Variants in CABIN1 observed in about 807,000 individuals in gnomAD.
CABIN1 encodes calcineurin binding protein 1.
In CABIN1, 133 loss-of-function variants were observed where a neutral mutation model predicts 227.7. The ratio of observed to expected loss-of-function variants is 0.58; its 90% CI spans 0.51 to 0.67. CABIN1 has a LOEUF of 0.67. Among genes scored for constraint, CABIN1 ranks in the 30% least tolerant of loss-of-function variants. The probability of loss-of-function intolerance (pLI) is 0.00; values close to 1 mark genes in which losing one functional copy is unlikely to be tolerated. For missense variants in CABIN1, 2,408 were observed against 2,852.5 expected, an observed-to-expected ratio of 0.84 and a Z score of 3.55; for synonymous variants, 1,086 against 1,155.1, an observed-to-expected ratio of 0.94 and a Z score of 1.21.
Position 24,096,007 on chromosome 22 carries a change from T to C in CABIN1, c.3863T>C (p.Val1288Ala), listed in dbSNP as rs371400490. ...TCTGGGGTTGGTGCAGAGGTCCTGG[T>C]CAACTTTATGAAGGAGGCTGCAGAA... ...PDSGVGAEVL[V>A]NFMKEAAEGP... The change falls in exon 25 of 37, where the codon GTC becomes GCC. Residue 1288 changes from valine to alanine, a missense_variant. Around this residue, in one of 3 missense-constraint regions of CABIN1, gnomAD observed 649 missense variants for 910.3 expected, o/e 0.71. Coordinates refer to ENST00000263119, the MANE Select transcript of CABIN1 (RefSeq NM_012295.4). 77 of 1,613,982 alleles carry C rather than the reference T, an allele frequency of 4.8e-5. No homozygotes were observed. The highest frequency in any genetic ancestry group is 6.2e-5 in the Non-Finnish European group (73 of 1,180,010).
At chr22:24,042,870 GTGTGTGTT>G (rs777448774) in intron 5 of CABIN1, 26 bp from the exon 6 acceptor site, 27 of 1,338,462 alleles carry the variant, frequency 2.0e-5, no homozygotes, top group Middle Eastern at 2.3e-4. Flanking sequence ...GTGTGTGTGT[GTGTGTGTT>G]TGCCCTCTGC....
rs1278702197 is a variant in CABIN1, at chr22:24,055,061, C to T, written c.995C>T (p.Ala332Val). 1 of 1,614,284 alleles carries T rather than the reference C, an allele frequency of 6.2e-7. No individual in the cohort carries two copies. Among genetic ancestry groups the T allele is most frequent in the Admixed American group, 1.7e-5 (1 of 60,038 alleles). ...IQPSTVSTNPAVAVAEPVVSY... is the reference protein window; with the variant it reads ...IQPSTVSTNPVVAVAEPVVSY... The stretch of plus-strand genomic sequence containing the variant: ...CCAAGCACTGTCAGCACCAACCCAG[C>T]TGTGGCTGTCGCCGAGCCTGTGGTC... The change falls in exon 9 of 37, where the codon GCT (alanine) becomes GTT (valine). Residue 332 changes from alanine (A) to valine (V), a missense_variant. Around this residue, in one of 3 missense-constraint regions of CABIN1, gnomAD observed 1,045 missense variants for 1,168.4 expected, o/e 0.89. Coordinates refer to ENST00000263119, the MANE Select transcript of CABIN1 (RefSeq NM_012295.4).
At chr22:24,136,983 G>A (rs1485667814) in intron 29 of CABIN1, among the ~76,000 whole-genome samples, 1 of 152,132 alleles carries the variant, frequency 6.6e-6, no homozygotes, top group African/African-American at 2.4e-5. Flanking sequence ...GCGAGTTGGA[G>A]CTAGACAAGT....
intron 29 of CABIN1, among the ~76,000 whole-genome samples, chr22:24,146,270 A>G (rs1472716341): frequency 5.3e-5 from 8 of 152,232 alleles, no homozygotes; most frequent in Admixed American, 5.2e-4. Flanking sequence ...AAACACTTCA[A>G]GTTCTCCAGG....
At chr22:24,136,616 T>G (rs1368193780) in intron 29 of CABIN1, among the ~76,000 whole-genome samples, 3 of 148,750 alleles carry the variant, frequency 2.0e-5, no homozygotes, top group African/African-American at 7.5e-5. Context: ...TCCGCCCTCC[T>G]TGGCCTCCCA....
chr22:24,147,246 T>A (rs2045178029), intron 29 of CABIN1, among the ~76,000 whole-genome samples: 1 of 139,312 alleles, frequency 7.2e-6, no homozygotes, highest in Admixed American at 7.2e-5. Context: ...CCTCCCTCTC[T>A]CCCTGCCTCC....
chr22:24,072,375 G>C lies in CABIN1; in HGVS notation c.2497G>C (p.Val833Leu). Residue 833 changes from valine (V) to leucine (L), a missense_variant, in exon 18 of 37, where the codon GTG (valine) becomes CTG (leucine). This residue lies in a region of CABIN1 where 1,045 missense variants were observed against 1,168.4 expected (regional missense o/e 0.89). Transcript: ENST00000263119. The stretch of plus-strand genomic sequence containing the variant: ...TCAGGTCATTGACTGCAGCATGGCT[G>C]TGCAGGAGGAGGCCAAGGAGCCCCA... ...LIQVIDCSMA[V>L]QEEAKEPHVS... The C allele has an allele frequency of 6.2e-7, 1 of 1,614,194 alleles. No individual in the cohort carries two copies. Among genetic ancestry groups the C allele is most frequent in the Non-Finnish European group, 8.5e-7 (1 of 1,180,030 alleles).
At chr22:24,104,335 T>C (rs2042382909) in intron 26 of CABIN1, among the ~76,000 whole-genome samples, 1 of 152,148 alleles carries the variant, frequency 6.6e-6, no homozygotes, top group Non-Finnish European at 1.5e-5. Context: ...GTCAGGAAAA[T>C]GTTTAAAGCC....
intron 28 of CABIN1, 111 bp downstream of exon 28, chr22:24,119,809 G>C: frequency 9.4e-7 from 1 of 1,066,882 alleles, no homozygotes; most frequent in Non-Finnish European, 1.4e-6. Flanking sequence ...AGCAGCACAT[G>C]GGAGGGATGG....
intron 6 of CABIN1, among the ~76,000 whole-genome samples, chr22:24,045,148 T>A (rs2147175737): frequency 6.6e-6 from 1 of 152,326 alleles, no homozygotes; most frequent in East Asian, 1.9e-4. Flanking sequence ...ATGTTCTTGA[T>A]CTCCTGACCT....
chr22:24,165,581 CCTCA>C lies in CABIN1; in HGVS notation c.4965_4968del (p.Thr1656Ter), dbSNP rs1177065777. 1 of 1,613,222 alleles carries C rather than the reference CCTCA, an allele frequency of 6.2e-7. No homozygotes were observed. The highest frequency in any genetic ancestry group is 1.7e-5 in the Admixed American group (1 of 60,012). ...AGGTCCTGGCGCAGCGGGCCTTCAT[CCTCA>C]CTGTGAAGGTGCTCGAAGACACGCT... is the stretch of plus-strand genomic sequence containing the variant. On this transcript the variant is annotated frameshift_variant, in exon 31 of 37. Coordinates refer to ENST00000263119, the MANE Select transcript of CABIN1 (RefSeq NM_012295.4). LOFTEE classifies it high-confidence loss of function.
At chr22:24,146,632 C>G (rs2045137364) in intron 29 of CABIN1, among the ~76,000 whole-genome samples, 1 of 152,200 alleles carries the variant, frequency 6.6e-6, no homozygotes, top group Non-Finnish European at 1.5e-5. Flanking sequence ...AGGACCACAG[C>G]AAAAGCCAGG....
At chr22:24,166,256 A>G (rs2046440575) in intron 31 of CABIN1, among the ~76,000 whole-genome samples, 1 of 152,208 alleles carries the variant, frequency 6.6e-6, no homozygotes, top group African/African-American at 2.4e-5. Context: ...GGCCCTGGGC[A>G]GGTCCCCTCC....
At chr22:24,040,993 T>C in intron 4 of CABIN1, 146 bp from the exon 5 acceptor site, 3 of 878,128 alleles carry the variant, frequency 3.4e-6, no homozygotes, top group Non-Finnish European at 5.6e-6. Context: ...GAACACATGG[T>C]GCAGTGCCTT....
Position 24,119,533 on chromosome 22 carries a change from G to C in CABIN1, c.4467G>C (p.Glu1489Asp). The C allele has an allele frequency of 6.2e-7, 1 of 1,613,954 alleles. No individual in the cohort carries two copies. Among genetic ancestry groups the C allele is most frequent in the Non-Finnish European group, 8.5e-7 (1 of 1,180,022 alleles). The change falls in exon 28 of 37, where the codon GAG (glutamate) becomes GAC (aspartate). Residue 1489 changes from glutamate (E) to aspartate (D), a missense_variant. Glu to Asp is a conservative substitution (Grantham distance 45). Transcript: ENST00000263119. Reference protein sequence around the residue: ...DGKKRGDLPGEPVAFPQGLPA... With the variant: ...DGKKRGDLPGDPVAFPQGLPA... ...AGAAGAGAGGGGACCTCCCAGGGGA[G>C]CCAGTGGCCTTCCCCCAGGGGCTGC...
rs1486069590 is a variant in CABIN1, at chr22:24,049,197, C to G, written c.633C>G (p.Asp211Glu). ...AGGAGCAGCCTTGTCTCCGGAAGGACTCTCTCAGAATGTTCCTCAAATGGT... is the reference window on the plus strand; with the variant it reads ...AGGAGCAGCCTTGTCTCCGGAAGGAGTCTCTCAGAATGTTCCTCAAATGGT... ...IFEEQPCLRK[D>E]SLRMFLKCDM... Residue 211 changes from aspartate to glutamate, a missense_variant, in exon 7 of 37, where the codon GAC becomes GAG. Physicochemically the swap from Asp to Glu is conservative, Grantham distance 45 (BLOSUM62 2). Coordinates refer to ENST00000263119, the MANE Select transcript of CABIN1 (RefSeq NM_012295.4). The G allele has an allele frequency of 6.2e-7, 1 of 1,613,876 alleles. No individual in the cohort carries two copies. The highest frequency in any genetic ancestry group is 8.5e-7 in the Non-Finnish European group (1 of 1,179,974).
intron 8 of CABIN1, among the ~76,000 whole-genome samples, chr22:24,053,825 G>C (rs916553097): frequency 2.0e-5 from 3 of 152,134 alleles, no homozygotes; most frequent in Admixed American, 2.0e-4. Flanking sequence ...CCCAGAGAAA[G>C]CAGCACATGC....
Position 24,050,908 on chromosome 22 carries a change from G to A in CABIN1, c.740G>A (p.Arg247Lys), listed in dbSNP as rs560025941. ...GAGGCCTTGGGGCTGCGAAAAAAGA[G>A]GCAAGCGCTGATTGTGCGGGAGAAG... is the stretch of plus-strand genomic sequence containing the variant. The part of the protein sequence containing the change: ...VDEALGLRKK[R>K]QALIVREKEP... Residue 247 changes from arginine to lysine, a missense_variant, in exon 8 of 37, where the codon AGG (arginine) becomes AAG (lysine). By Grantham distance (26) the Arg-to-Lys change is conservative. Around this residue, in one of 3 missense-constraint regions of CABIN1, gnomAD observed 1,045 missense variants for 1,168.4 expected, o/e 0.89. Coordinates refer to ENST00000263119, the MANE Select transcript of CABIN1 (RefSeq NM_012295.4). The A allele has an allele frequency of 3.8e-5, 62 of 1,614,214 alleles. No individual in the cohort carries two copies. The Middle Eastern group carries it at 1.2e-3, about 30-fold the overall frequency.
At chr22:24,063,262 G>T in intron 14 of CABIN1, 116 bp downstream of exon 14, 2 of 1,065,402 alleles carry the variant, frequency 1.9e-6, no homozygotes, top group Non-Finnish European at 2.9e-6. Flanking sequence ...GTGTGTGCAT[G>T]CATGTGTACA....
Sources: allele counts gnomAD v4.1 joint callset (sites outside exome capture counted in the v4.1 genomes callset), GRCh38; gene constraint gnomAD v4.1.1; regional missense constraint gnomAD v4.1.1; transcripts MANE v1.5; gene names NCBI Gene and HGNC (gene_info 2026-07-23, HGNC 2026-07-21).